Variants in PHACTR3 observed in about 807,000 individuals in gnomAD.
PHACTR3 encodes phosphatase and actin regulator 3.
Under a neutral mutation model 66.8 loss-of-function variants are expected in PHACTR3, and 16 were observed. The observed-to-expected ratio is 0.24, with a 90% CI of 0.16 to 0.36. The LOEUF is 0.36. PHACTR3 is among the 10% of genes least tolerant of loss of function. The pLI is 1.00. For synonymous variants in PHACTR3, 323 were observed against 292.1 expected (o/e 1.11, Z -1.08); for missense variants, 647 against 719.9 (o/e 0.90, Z 1.16).
chr20:59,636,344 T>C (rs1476285119), intron 1 of PHACTR3, among the ~76,000 whole-genome samples: 2 of 152,236 alleles, frequency 1.3e-5, no homozygotes, highest in African/African-American at 4.8e-5. Flanking sequence ...TTGCAGGTTT[T>C]ATCTCATTCA....
chr20:59,659,777 C>A (rs539342632), intron 1 of PHACTR3, among the ~76,000 whole-genome samples: 1 of 152,122 alleles, frequency 6.6e-6, no homozygotes, highest in East Asian at 1.9e-4. Flanking sequence ...AGGCTCTGAG[C>A]ACTGAGTGGT....
intron 1 of PHACTR3, among the ~76,000 whole-genome samples, chr20:59,683,890 G>A (rs1040176028): frequency 2.0e-5 from 3 of 152,170 alleles, no homozygotes; most frequent in Non-Finnish European, 4.4e-5. Flanking sequence ...CCGTTATAGT[G>A]GGTAGAAGAA....
At chr20:59,699,538 T>C (rs937057900) in intron 1 of PHACTR3, among the ~76,000 whole-genome samples, 1 of 152,186 alleles carries the variant, frequency 6.6e-6, no homozygotes, top group Non-Finnish European at 1.5e-5. Context: ...TTCTACCCCC[T>C]TTCTCCTTAC....
intron 1 of PHACTR3, among the ~76,000 whole-genome samples, chr20:59,670,120 A>C (rs2036141711): frequency 6.6e-6 from 1 of 152,232 alleles, no homozygotes; most frequent in Non-Finnish European, 1.5e-5. Flanking sequence ...AGTGGGGGCC[A>C]TTTAGGTGCT....
intron 1 of PHACTR3, among the ~76,000 whole-genome samples, chr20:59,618,107 C>A (rs1600927132): frequency 6.6e-6 from 1 of 152,156 alleles, no homozygotes; most frequent in African/African-American, 2.4e-5. Flanking sequence ...AATTAACTAG[C>A]CCAGCAGGAA....
At position 59,774,360 on chromosome 20, in the gene PHACTR3, A is replaced by G; in HGVS notation, c.1044A>G (p.Ala348=). ...AGGAGGCTTGGAGCTTTGACGGGGC[A>G]TTGGAGAACAAGCGAACTGCCGCTA... The part of the protein sequence containing the change: ...EREEAWSFDG[A]LENKRTAAKE... Residue 348 remains alanine, a synonymous_variant, in exon 7 of 13, where the codon GCA becomes GCG. Transcript: ENST00000371015. The G allele has an allele frequency of 6.2e-7, 1 of 1,614,118 alleles. No individual in the cohort carries two copies.
At chr20:59,832,915 G>T (rs2042427354) in intron 8 of PHACTR3, among the ~76,000 whole-genome samples, 1 of 152,190 alleles carries the variant, frequency 6.6e-6, no homozygotes, top group Non-Finnish European at 1.5e-5. Context: ...TGTTGGGTTG[G>T]CAGAACCACC....
chr20:59,697,791 C>T (rs2037355372), intron 1 of PHACTR3, among the ~76,000 whole-genome samples: 2 of 151,990 alleles, frequency 1.3e-5, no homozygotes, highest in East Asian at 1.9e-4. Flanking sequence ...TATGGCAATC[C>T]AAGAATGAAC....
At chr20:59,608,818 A>G (rs2033756060) in intron 1 of PHACTR3, among the ~76,000 whole-genome samples, 1 of 151,870 alleles carries the variant, frequency 6.6e-6, no homozygotes, top group Admixed American at 6.5e-5. Flanking sequence ...CTCTGATCTC[A>G]TTTCTGATTT....
At position 59,676,700 on chromosome 20, in the gene PHACTR3, G is replaced by T. The variant is rs572539983; in HGVS notation, c.119-66407G>T. ...TTTGAGAGAAAGACTCCAGAAGCCC[G>T]CGGGGAGAGCAGGGGTTCTGGGGAA... is the stretch of plus-strand genomic sequence containing the variant. On this transcript the variant is annotated intron_variant, in intron 1 of 12. Transcript: ENST00000371015. The T allele has an allele frequency of 4.1e-6, 4 of 985,232 alleles. No individual in the cohort carries two copies. In the South Asian group the frequency reaches 1.9e-4, roughly 46 times the overall value. 61.0% of individuals were successfully genotyped at this position (985,232 alleles called of 1,614,324 possible).
chr20:59,601,810 G>A (rs551504499), upstream of PHACTR3, among the ~76,000 whole-genome samples: 7 of 152,330 alleles, frequency 4.6e-5, no homozygotes, highest in Non-Finnish European at 1.0e-4. Context: ...ACAAACCACA[G>A]TGCTTTGCTA....
At chr20:59,811,746 C>T (rs1006270391) in intron 8 of PHACTR3, among the ~76,000 whole-genome samples, 1 of 152,176 alleles carries the variant, frequency 6.6e-6, no homozygotes, top group African/African-American at 2.4e-5. Flanking sequence ...GAAAGAGACA[C>T]TGCCCAGCAA....
chr20:59,748,897 C>G (rs1483104745), intron 3 of PHACTR3, among the ~76,000 whole-genome samples: 1 of 152,198 alleles, frequency 6.6e-6, no homozygotes, highest in Non-Finnish European at 1.5e-5. Flanking sequence ...ATAAACGAAT[C>G]CAGATTTTAT....
At chr20:59,670,614 G>GGGGA (rs2036164080) in intron 1 of PHACTR3, among the ~76,000 whole-genome samples, 1 of 130,962 alleles carries the variant, frequency 7.6e-6, no homozygotes, top group Admixed American at 7.9e-5. Flanking sequence ...GTGGGGGGGG[G>GGGGA]GGGCAGGCAC....
chr20:59,690,247 A>G (rs2037061825), intron 1 of PHACTR3, among the ~76,000 whole-genome samples: 1 of 152,146 alleles, frequency 6.6e-6, no homozygotes, highest in Non-Finnish European at 1.5e-5. Flanking sequence ...CCTACCATGC[A>G]CAAACACAGA....
chr20:59,733,166 T>TA lies in PHACTR3; in HGVS notation c.119-9941_119-9940insA, dbSNP rs540703141. 1.8e-3 allele frequency among the ~76,000 whole-genome samples: 280 copies of TA among 151,668 alleles called. 2 individuals are homozygous for TA. Among genetic ancestry groups the TA allele is most frequent in the African/African-American group, 6.4e-3 (262 of 41,250 alleles). ...TATAAGCAGTGTGACTATAAGACAC[T>TA]TGTCAAATGGTCTCACTTTGTCCTT... On this transcript the variant is annotated intron_variant, in intron 1 of 12. Transcript: ENST00000371015.
At chr20:59,653,277 C>T (rs1470898336) in intron 1 of PHACTR3, among the ~76,000 whole-genome samples, 3 of 151,828 alleles carry the variant, frequency 2.0e-5, no homozygotes, top group Admixed American at 6.6e-5. Flanking sequence ...CTTCGCCTCC[C>T]GGGTTCAAGC....
chr20:59,753,255 C>T lies in PHACTR3; in HGVS notation c.359-1927C>T, dbSNP rs145027095. Among the ~76,000 whole-genome samples, 874 of 152,276 alleles carry T rather than the reference C, an allele frequency of 5.7e-3. 7 individuals carry two copies. The highest frequency in any genetic ancestry group is 0.02 in the African/African-American group (823 of 41,550). ...CCTTATGGGAAGAGCCTGCCAGCCTCGCCTGGACCTCTGGGCAACTGACGC... is the reference window on the plus strand; with the variant it reads ...CCTTATGGGAAGAGCCTGCCAGCCTTGCCTGGACCTCTGGGCAACTGACGC... On this transcript the variant is annotated intron_variant, in intron 3 of 12. Coordinates refer to ENST00000371015, the MANE Select transcript of PHACTR3 (RefSeq NM_080672.5).
intron 1 of PHACTR3, among the ~76,000 whole-genome samples, chr20:59,629,376 C>G (rs1461363660): frequency 6.6e-6 from 1 of 152,252 alleles, no homozygotes; most frequent in African/African-American, 2.4e-5. Flanking sequence ...CCTTCTCCCT[C>G]CGCTGTTCTG....
Sources: allele counts gnomAD v4.1 joint callset (sites outside exome capture counted in the v4.1 genomes callset), GRCh38; gene constraint gnomAD v4.1.1; transcripts MANE v1.5; gene names NCBI Gene and HGNC (gene_info 2026-07-23, HGNC 2026-07-21).